Variants in PTH2R observed in about 807,000 individuals in gnomAD.
The protein encoded by PTH2R is PTH2 receptor.
A neutral mutation model predicts 60.3 loss-of-function variants in PTH2R; 59 were observed. The observed-to-expected ratio is 0.98, with a 90% confidence interval of 0.79 to 1.22. The LOEUF (loss-of-function observed/expected upper bound fraction) is 1.22, where lower values mean the gene tolerates loss of function less well. Ranked by LOEUF, PTH2R falls within the 50% of genes most tolerant of loss-of-function variation. PTH2R has a pLI of 0.00. For synonymous variants in PTH2R, 256 were observed against 243.8 expected, an observed-to-expected ratio of 1.05 and a Z score of -0.47; for missense variants, 749 against 682.6, an observed-to-expected ratio of 1.10 and a Z score of -1.08.
intron 1 of PTH2R, among the ~76,000 whole-genome samples, chr2:208,388,342 C>A (rs942181180): frequency 6.6e-6 from 1 of 151,776 alleles, no homozygotes; most frequent in African/African-American, 2.4e-5. Flanking sequence ...CAAAAAAAAA[C>A]TTCACGCTTC....
At chr2:208,399,324 T>C (rs1268391040) in intron 1 of PTH2R, among the ~76,000 whole-genome samples, 1 of 152,144 alleles carries the variant, frequency 6.6e-6, no homozygotes, top group Non-Finnish European at 1.5e-5. Context: ...GAAAGGCCAG[T>C]CCTCAGGACT....
intron 9 of PTH2R, among the ~76,000 whole-genome samples, chr2:208,477,940 CTAG>C (rs35206450): frequency 1.1e-3 from 40 of 37,380 alleles, no homozygotes; most frequent in South Asian, 4.0e-3. Context: ...AGCACTACTA[CTAG>C]TAGTACTAGC....
At chr2:208,491,285 G>A (rs1265189443) in intron 12 of PTH2R, among the ~76,000 whole-genome samples, 1 of 152,150 alleles carries the variant, frequency 6.6e-6, no homozygotes, top group Non-Finnish European at 1.5e-5. Context: ...CCATGTTTAG[G>A]GTTTGGACAT....
intron 9 of PTH2R, among the ~76,000 whole-genome samples, chr2:208,474,057 G>A (rs927556239): frequency 1.3e-5 from 2 of 152,102 alleles, no homozygotes; most frequent in East Asian, 3.9e-4. Flanking sequence ...TTTATTATAG[G>A]GTTGGTAGTT....
At chr2:208,365,954 ATATATATTTTTTTTTTTTTTTTT>A (rs1700580660) in intron 1 of PTH2R, among the ~76,000 whole-genome samples, 1 of 19,050 alleles carries the variant, frequency 5.2e-5, no homozygotes, top group African/African-American at 2.1e-4. Flanking sequence ...ATATATATAT[ATATATATTTTTTTTTTTTTTTTT>A]TTTTTTTTTT....
At chr2:208,400,585 G>A (rs961841998) in intron 1 of PTH2R, among the ~76,000 whole-genome samples, 1 of 152,084 alleles carries the variant, frequency 6.6e-6, no homozygotes, top group Non-Finnish European at 1.5e-5. Flanking sequence ...GGTTATTTTG[G>A]TATTAGGTTT....
chr2:208,492,053 T>C (rs542592156), intron 12 of PTH2R, among the ~76,000 whole-genome samples: 9 of 152,352 alleles, frequency 5.9e-5, no homozygotes, highest in Non-Finnish European at 1.2e-4. Context: ...ATACTGGATT[T>C]CCACTGCTTC....
At chr2:208,377,103 G>A (rs548097059) in intron 1 of PTH2R, among the ~76,000 whole-genome samples, 1 of 152,094 alleles carries the variant, frequency 6.6e-6, no homozygotes, top group Non-Finnish European at 1.5e-5. Flanking sequence ...TCAAGCATCT[G>A]TTTAACAAAG....
At chr2:208,473,688 C>G (rs573222979) in intron 9 of PTH2R, among the ~76,000 whole-genome samples, 4 of 152,122 alleles carry the variant, frequency 2.6e-5, no homozygotes, top group Admixed American at 2.6e-4. Context: ...AATGCCTGAC[C>G]TTTATTGGTG....
Position 208,454,767 on chromosome 2 carries a change from AT to A in PTH2R, c.914+3960del, listed in dbSNP as rs1427355776. ...ATAGAGAACAATTTAATATCCACAG[AT>A]TGTGTACGCTTTGTGACAGCAGTTC... On this transcript the variant is annotated intron_variant, in intron 8 of 12. Transcript: ENST00000272847. Among the ~76,000 whole-genome samples, 11 of 152,324 alleles carry A rather than the reference AT, an allele frequency of 7.2e-5. No homozygotes were observed. In the East Asian group the frequency reaches 2.1e-3, roughly 29 times the overall value.
intron 9 of PTH2R, among the ~76,000 whole-genome samples, chr2:208,467,559 T>A (rs1279815804): frequency 6.6e-6 from 1 of 152,202 alleles, no homozygotes; most frequent in Non-Finnish European, 1.5e-5. Flanking sequence ...GACAATACTA[T>A]ATGCTACACA....
At chr2:208,376,454 TTTGA>T (rs1238618971) in intron 1 of PTH2R, among the ~76,000 whole-genome samples, 8 of 152,158 alleles carry the variant, frequency 5.3e-5, no homozygotes, top group African/African-American at 1.7e-4. Context: ...TCAAATAGGC[TTTGA>T]TTGAAGATGA....
intron 7 of PTH2R, among the ~76,000 whole-genome samples, chr2:208,447,587 CA>C (rs56366971): frequency 0.063 from 7,522 of 119,286 alleles, 309 homozygotes; most frequent in African/African-American, 0.15. Flanking sequence ...GACTCCATCT[CA>C]AAAAAAAAAC....
chr2:208,440,176 G>T (rs1018958613), intron 4 of PTH2R, among the ~76,000 whole-genome samples: 3 of 152,212 alleles, frequency 2.0e-5, no homozygotes, highest in African/African-American at 7.2e-5. Flanking sequence ...ATAGTGGCCT[G>T]TGTCTGTAGT....
At chr2:208,488,314 A>T (rs184254940) in intron 10 of PTH2R, among the ~76,000 whole-genome samples, 5 of 152,336 alleles carry the variant, frequency 3.3e-5, no homozygotes, top group Admixed American at 3.3e-4. Flanking sequence ...AAGCATCATC[A>T]GTGAAAAATG....
intron 12 of PTH2R, among the ~76,000 whole-genome samples, 195 bp downstream of exon 12, chr2:208,490,875 T>G (rs1703389366): frequency 1.3e-5 from 2 of 152,260 alleles, no homozygotes; most frequent in Non-Finnish European, 2.9e-5. Flanking sequence ...TTCTAGCACT[T>G]TTAAATGTGA....
Position 208,450,821 on chromosome 2 carries a change from G to A in PTH2R, c.914+12G>A, listed in dbSNP as rs2105879318. On this transcript the variant is annotated intron_variant, in intron 8 of 12. Coordinates refer to ENST00000272847, the MANE Select transcript of PTH2R (RefSeq NM_005048.4). ...CTGGCTGATGCGAGGTGAGTGAAAAGGCAGGGGAAACGAGAGAACCTCAGA... is the reference window on the plus strand; with the variant it reads ...CTGGCTGATGCGAGGTGAGTGAAAAAGCAGGGGAAACGAGAGAACCTCAGA... The A allele has an allele frequency of 6.2e-7, 1 of 1,613,404 alleles. No individual in the cohort carries two copies. The highest frequency in any genetic ancestry group is 8.5e-7 in the Non-Finnish European group (1 of 1,179,392).
At chr2:208,390,757 C>T (rs1701094536) in intron 1 of PTH2R, among the ~76,000 whole-genome samples, 1 of 152,148 alleles carries the variant, frequency 6.6e-6, no homozygotes, top group African/African-American at 2.4e-5. Flanking sequence ...ACAATTTCTG[C>T]AAGGGTGGCA....
chr2:208,360,324 C>T (rs575027864), intron 1 of PTH2R: 23 of 324,014 alleles, frequency 7.1e-5, no homozygotes, highest in South Asian at 5.5e-4. Flanking sequence ...ACTTTCGCCA[C>T]ACCCGGAGCG....
Sources: gnomAD v4.1 joint callset for allele counts (sites outside exome capture counted in the v4.1 genomes callset) on GRCh38, gnomAD v4.1.1 for gene constraint, MANE v1.5 for transcripts, NCBI Gene and HGNC (gene_info 2026-07-23, HGNC 2026-07-21) for gene names.